DOCK8: variants seen among roughly 807,000 people sequenced by gnomAD.
DOCK8 encodes dedicator of cytokinesis protein 8.
Under a neutral mutation model 245.6 loss-of-function variants are expected in DOCK8, and 141 were observed. The ratio of observed to expected loss-of-function variants is 0.57; its 90% CI spans 0.50 to 0.66. DOCK8 has a LOEUF of 0.66. Among genes scored for constraint, DOCK8 ranks in the 30% least tolerant of loss-of-function variants. The pLI is 0.00. For synonymous variants in DOCK8, 1,168 were observed against 970.2 expected, an observed-to-expected ratio of 1.20 and a Z score of -3.79; for missense variants, 2,965 against 2,603.4, an observed-to-expected ratio of 1.14 and a Z score of -3.02.
chr9:306,932 T>G (rs938333440), intron 5 of DOCK8, among the ~76,000 whole-genome samples: 2 of 152,074 alleles, frequency 1.3e-5, no homozygotes, highest in African/African-American at 4.8e-5. Flanking sequence ...GGGAAAAACC[T>G]CATGAAGCCT....
At position 377,044 on chromosome 9, in the gene DOCK8, G is replaced by A. The variant is rs768892112; in HGVS notation, c.2273G>A (p.Arg758His). ...SLESQVTFPIRVLDQKISEMA... is the reference protein window; with the variant it reads ...SLESQVTFPIHVLDQKISEMA... ...GAGAGCCAGGTGACCTTCCCCATCC[G>A]CGTGCTGGATCAGAAAATCAGCGAG... Residue 758 changes from arginine to histidine, a missense_variant, in exon 20 of 48, where the codon CGC becomes CAC. This residue lies in a region of DOCK8 where 2,825 missense variants were observed against 2,453.5 expected (regional missense o/e 1.15). Coordinates refer to ENST00000432829, the MANE Select transcript of DOCK8 (RefSeq NM_203447.4). 26 of 1,613,734 alleles carry A rather than the reference G, an allele frequency of 1.6e-5. No individual in the cohort carries two copies. Among genetic ancestry groups the A allele is most frequent in the South Asian group, 2.2e-5 (2 of 91,086 alleles).
At chr9:447,473 T>C (rs1190834178) in intron 44 of DOCK8, among the ~76,000 whole-genome samples, 1 of 152,166 alleles carries the variant, frequency 6.6e-6, no homozygotes, top group Non-Finnish European at 1.5e-5. Context: ...TGTTAAACAA[T>C]TTGAGAGCAG....
intron 1 of DOCK8, chr9:215,538 A>C: frequency 8.3e-7 from 1 of 1,209,988 alleles, no homozygotes; most frequent in Non-Finnish European, 1.1e-6. Flanking sequence ...TTATTCCAGA[A>C]AGAGCTTGGC....
chr9:317,540 C>T (rs541428899), intron 7 of DOCK8, among the ~76,000 whole-genome samples: 13 of 152,170 alleles, frequency 8.5e-5, no homozygotes, highest in Non-Finnish European at 1.6e-4. Flanking sequence ...AAAGTATTTA[C>T]AATGTAGAAA....
chr9:244,289 C>G (rs1411238444), intron 1 of DOCK8, among the ~76,000 whole-genome samples: 1 of 151,756 alleles, frequency 6.6e-6, no homozygotes, highest in Non-Finnish European at 1.5e-5. Context: ...CACACACACA[C>G]ACACGCACAC....
intron 8 of DOCK8, 82 bp downstream of exon 8, chr9:325,819 C>T: frequency 8.5e-7 from 1 of 1,172,136 alleles, no homozygotes; most frequent in Non-Finnish European, 1.3e-6. Flanking sequence ...AATTTCTTTG[C>T]AGCAAGAACC....
At chr9:461,831 C>T (rs1336295884) in intron 46 of DOCK8, among the ~76,000 whole-genome samples, 2 of 152,042 alleles carry the variant, frequency 1.3e-5, no homozygotes, top group Non-Finnish European at 2.9e-5. Flanking sequence ...CATGAGGCAC[C>T]ACACCCAGCC....
intron 46 of DOCK8, chr9:460,609 G>T (rs2131958896): frequency 1.3e-5 from 2 of 152,304 alleles, no homozygotes; most frequent in Middle Eastern, 3.4e-3. Flanking sequence ...CCTATAATTT[G>T]CTTCAATTAA....
At chr9:393,085 CAAAAAAAAAAAAAAAA>C (rs1159933739) in intron 24 of DOCK8, among the ~76,000 whole-genome samples, 1 of 44,732 alleles carries the variant, frequency 2.2e-5, no homozygotes, top group Non-Finnish European at 4.2e-5. Context: ...GACCCTGTCT[CAAAAAAAAAAAAAAAA>C]AAAAAAAAAA....
chr9:435,110 C>A, intron 39 of DOCK8, 135 bp downstream of exon 39: 1 of 1,000,176 alleles, frequency 1.0e-6, no homozygotes, highest in Non-Finnish European at 1.5e-6. Context: ...GTAGGTGCTA[C>A]TGGCATCTGA....
chr9:343,162 T>A (rs1236588053), intron 14 of DOCK8, among the ~76,000 whole-genome samples: 1 of 152,024 alleles, frequency 6.6e-6, no homozygotes, highest in Admixed American at 6.6e-5. Flanking sequence ...TGCACAAAAT[T>A]AAGACCCGGA....
rs370061172 is a variant in DOCK8 at position 390,449 on chromosome 9, A to C, written c.2875-22A>C. 4 of 1,607,914 alleles carry C rather than the reference A, an allele frequency of 2.5e-6. No individual in the cohort carries two copies. The African/African-American group carries it at 5.4e-5, about 22-fold the overall frequency. ...AATAATAGCCTTTGTTTCACAGCCT[A>C]ATTTTTGTGGTTCTTATTTAGCATT... On this transcript the variant is annotated intron_variant, in intron 23 of 47. Coordinates refer to ENST00000432829, the MANE Select transcript of DOCK8 (RefSeq NM_203447.4).
chr9:427,070 T>A (rs1047085521), intron 34 of DOCK8, 89 bp downstream of exon 34: 65 of 1,108,480 alleles, frequency 5.9e-5, no homozygotes, highest in Non-Finnish European at 2.8e-5. Context: ...GTGAAAGACA[T>A]AAATGTGATC....
intron 47 of DOCK8, 96 bp from the exon 48 acceptor site, chr9:464,063 G>A: frequency 9.5e-7 from 1 of 1,051,646 alleles, no homozygotes; most frequent in African/African-American, 1.6e-5. Context: ...TTTCTACTGG[G>A]TGATCCACCC....
intron 1 of DOCK8, among the ~76,000 whole-genome samples, chr9:222,767 T>A (rs2046912844): frequency 6.6e-6 from 1 of 152,242 alleles, no homozygotes; most frequent in Non-Finnish European, 1.5e-5. Flanking sequence ...GGATTAATGA[T>A]AAAGGTAGAT....
At chr9:379,633 C>T (rs2053657879) in intron 20 of DOCK8, 138 bp from the exon 21 acceptor site, 15 of 938,312 alleles carry the variant, frequency 1.6e-5, no homozygotes, top group Middle Eastern at 2.2e-4. Flanking sequence ...CCAGAGCTCA[C>T]CAAAACCATC....
At position 370,504 on chromosome 9, in the gene DOCK8, A is replaced by G. The variant is rs1198980549; in HGVS notation, c.1868+204A>G. ...AGACTGAGAGAAGAACGTGTCTTCA[A>G]GAATCCAATATAGTTTTGACTTTTC... On this transcript the variant is annotated intron_variant, in intron 16 of 47. Transcript: ENST00000432829. Among the ~76,000 whole-genome samples, 4 of 152,362 alleles carry G rather than the reference A, an allele frequency of 2.6e-5. No homozygotes were observed. The East Asian group carries it at 5.8e-4, about 22-fold the overall frequency.
At chr9:407,130 A>C in intron 28 of DOCK8, 61 bp downstream of exon 28, 1 of 1,609,842 alleles carries the variant, frequency 6.2e-7, no homozygotes, top group South Asian at 1.1e-5. Context: ...CTTTAATAAA[A>C]TTTGCAGTCT....
chr9:446,250 C>G, intron 43 of DOCK8, 120 bp from the exon 44 acceptor site: 1 of 856,664 alleles, frequency 1.2e-6, no homozygotes, highest in Non-Finnish European at 2.0e-6. Context: ...GCATCTGTAG[C>G]TTTTCTGCAC....
Sources: gnomAD v4.1 joint callset for allele counts (sites outside exome capture counted in the v4.1 genomes callset) on GRCh38, gnomAD v4.1.1 for gene constraint, gnomAD v4.1.1 regional missense constraint, MANE v1.5 for transcripts, NCBI Gene and HGNC (gene_info 2026-07-23, HGNC 2026-07-21) for gene names.